Variants in SAMD3 observed in about 807,000 individuals in gnomAD.
SAMD3 encodes the protein sterile alpha motif domain containing 3.
A neutral mutation model predicts 58.5 loss-of-function variants in SAMD3; 63 were observed. The ratio of observed to expected loss-of-function variants is 1.08; its 90% CI spans 0.88 to 1.33. The LOEUF is 1.33. SAMD3 is among the 40% of genes most tolerant of loss of function. SAMD3 has a pLI of 0.00. For missense variants in SAMD3, 604 were observed against 608.4 expected (o/e 0.99, Z 0.08); for synonymous variants, 220 against 210.3 (o/e 1.05, Z -0.40).
chr6:130,343,558 G>T (rs1777339197), intron 1 of SAMD3, among the ~76,000 whole-genome samples: 1 of 152,144 alleles, frequency 6.6e-6, no homozygotes, highest in African/African-American at 2.4e-5. Flanking sequence ...TCAGTCCTAG[G>T]GCAAAGGGTA....
At chr6:130,241,942 A>T (rs1307768875) in intron 2 of SAMD3, among the ~76,000 whole-genome samples, 1 of 152,138 alleles carries the variant, frequency 6.6e-6, no homozygotes, top group Non-Finnish European at 1.5e-5. Context: ...TTTTAAAATG[A>T]ACTTTATTTT....
In SAMD3 at chr6:130,184,098, C is replaced by T. The variant is rs956930574; in HGVS notation, c.654+5G>A. 50 of 1,612,512 alleles carry T rather than the reference C, an allele frequency of 3.1e-5. No homozygotes were observed. Among genetic ancestry groups the T allele is most frequent in the Non-Finnish European group, 3.9e-5 (46 of 1,178,752 alleles). On this transcript the variant is annotated splice_donor_5th_base_variant and intron_variant, in intron 7 of 11. Coordinates refer to ENST00000439090, the MANE Select transcript of SAMD3 (RefSeq NM_001017373.4). ...TTAACAGGATGGTGCCATGTGGTCA[C>T]TTACGAAGCCACAGCCATCCTCATC...
intron 8 of SAMD3, 150 bp downstream of exon 8, chr6:130,175,691 C>T: frequency 2.0e-6 from 1 of 489,544 alleles, no homozygotes; most frequent in Admixed American, 3.7e-5. Flanking sequence ...GTTAGCCAGG[C>T]AAAACAGACT....
At chr6:130,299,597 G>A (rs1241796698) in intron 2 of SAMD3, among the ~76,000 whole-genome samples, 1 of 151,906 alleles carries the variant, frequency 6.6e-6, no homozygotes, top group African/African-American at 2.4e-5. Context: ...CAGAAGAAAA[G>A]CAATAACAAA....
chr6:130,333,044 CGTGTGTGTGT>C lies in SAMD3; in HGVS notation c.-303-19961_-303-19952del, dbSNP rs10529435. Among the ~76,000 whole-genome samples, 383 of 143,650 alleles carry C rather than the reference CGTGTGTGTGT, an allele frequency of 2.7e-3. 1 individual carries two copies. Among genetic ancestry groups the C allele is most frequent in the African/African-American group, 7.6e-3 (301 of 39,702 alleles). 94.2% of individuals were successfully genotyped at this position (143,650 alleles called of 152,430 possible). ...CAAGACAGGGCCACAGTTGAGTATG[CGTGTGTGTGT>C]GTGTGTGTGTGTGTGTGTGTGTGTG... On this transcript the variant is annotated intron_variant, in intron 1 of 13. Transcript: ENST00000368134.
chr6:130,298,546 C>T (rs1240880821), intron 2 of SAMD3, among the ~76,000 whole-genome samples: 1 of 151,992 alleles, frequency 6.6e-6, no homozygotes, highest in Non-Finnish European at 1.5e-5. Flanking sequence ...TGGGACATAA[C>T]GAAAGCAGTA....
chr6:130,360,607 G>A (rs992757300), intron 1 of SAMD3, among the ~76,000 whole-genome samples: 2 of 152,184 alleles, frequency 1.3e-5, no homozygotes, highest in Admixed American at 6.5e-5. Context: ...CAGGACCGGG[G>A]CAAAATTAAA....
chr6:130,255,486 G>A (rs1773892715), intron 2 of SAMD3, among the ~76,000 whole-genome samples: 2 of 152,032 alleles, frequency 1.3e-5, no homozygotes, highest in African/African-American at 4.8e-5. Flanking sequence ...CAAATATTGG[G>A]TGCATAAATA....
intron 1 of SAMD3, among the ~76,000 whole-genome samples, chr6:130,326,195 T>G (rs1776753094): frequency 6.6e-6 from 1 of 152,170 alleles, no homozygotes; most frequent in Non-Finnish European, 1.5e-5. Flanking sequence ...ATTTTCTGAC[T>G]CTATTTGTAT....
intron 1 of SAMD3, among the ~76,000 whole-genome samples, chr6:130,339,277 G>T (rs1777197752): frequency 6.6e-6 from 1 of 152,068 alleles, no homozygotes; most frequent in Non-Finnish European, 1.5e-5. Context: ...TCGATCCCCT[G>T]ACCTCGTGAT....
chr6:130,233,072 G>A (rs201030145), intron 2 of SAMD3, among the ~76,000 whole-genome samples: 1 of 152,054 alleles, frequency 6.6e-6, no homozygotes, highest in Non-Finnish European at 1.5e-5. Flanking sequence ...CAAAGTCTGA[G>A]GGCACAATCT....
chr6:130,339,237 T>C (rs1469783747), intron 1 of SAMD3, among the ~76,000 whole-genome samples: 4 of 152,020 alleles, frequency 2.6e-5, no homozygotes, highest in East Asian at 3.9e-4. Context: ...TTAGTAGAGA[T>C]GGAGTTTTAC....
At chr6:130,165,939 C>T (rs1452187863) in intron 8 of SAMD3, among the ~76,000 whole-genome samples, 2 of 152,098 alleles carry the variant, frequency 1.3e-5, no homozygotes, top group East Asian at 1.9e-4. Flanking sequence ...TCCAAGGTCC[C>T]GTGCCCCATG....
chr6:130,269,514 G>T (rs568338706), intron 2 of SAMD3, among the ~76,000 whole-genome samples: 39 of 152,162 alleles, frequency 2.6e-4, no homozygotes, highest in Non-Finnish European at 5.4e-4. Context: ...GTTGTTTGTA[G>T]TATTTTCTTA....
At chr6:130,273,990 C>A (rs1351011473) in intron 2 of SAMD3, among the ~76,000 whole-genome samples, 1 of 152,124 alleles carries the variant, frequency 6.6e-6, no homozygotes, top group African/African-American at 2.4e-5. Flanking sequence ...GAATTTTACA[C>A]TTTTATATGC....
intron 1 of SAMD3, among the ~76,000 whole-genome samples, chr6:130,314,759 G>T (rs1776303259): frequency 6.6e-6 from 1 of 152,172 alleles, no homozygotes. Flanking sequence ...TCCGTCAATA[G>T]GGGAATTGTG....
At position 130,182,039 on chromosome 6, in the gene SAMD3, T is replaced by A. The variant is rs555365285; in HGVS notation, c.654+2064A>T. Among the ~76,000 whole-genome samples, 3 of 139,496 alleles carry A rather than the reference T, an allele frequency of 2.2e-5. No individual in the cohort carries two copies. The Admixed American group carries it at 2.5e-4, about 12-fold the overall frequency. 91.5% of individuals were successfully genotyped at this position (139,496 alleles called of 152,430 possible). On this transcript the variant is annotated intron_variant, in intron 7 of 11. Transcript: ENST00000439090. Reference sequence around the variant, plus strand: ...GAGATCGTGCCACTGCACTCCAGCCTGGGCGACAGAGCAAGACTCTGTCTC... The same window carrying A: ...GAGATCGTGCCACTGCACTCCAGCCAGGGCGACAGAGCAAGACTCTGTCTC...
chr6:130,362,476 A>T (rs1164805220), intron 1 of SAMD3, among the ~76,000 whole-genome samples: 1 of 152,240 alleles, frequency 6.6e-6, no homozygotes, highest in East Asian at 1.9e-4. Flanking sequence ...CAACAAAAAC[A>T]GTCAAAATCT....
At chr6:130,235,625 A>G (rs1237394261) in intron 2 of SAMD3, among the ~76,000 whole-genome samples, 1 of 152,172 alleles carries the variant, frequency 6.6e-6, no homozygotes, top group Admixed American at 6.5e-5. Context: ...CAGACTCTCA[A>G]ATTTTAGGTA....
Sources: allele counts gnomAD v4.1 joint callset (sites outside exome capture counted in the v4.1 genomes callset), GRCh38; gene constraint gnomAD v4.1.1; transcripts MANE v1.5; gene names NCBI Gene and HGNC (gene_info 2026-07-23, HGNC 2026-07-21).